Variants in MOXD1 observed in about 807,000 individuals in gnomAD.
The protein encoded by MOXD1 is DBH-like monooxygenase protein 1.
MOXD1 carries 62 observed loss-of-function variants against 66.6 expected under a neutral mutation model. The ratio of observed to expected loss-of-function variants is 0.93; its 90% confidence interval spans 0.76 to 1.15. MOXD1 has a LOEUF of 1.15. Among genes scored for constraint, MOXD1 ranks in the 50% most tolerant of loss-of-function variants. The probability of loss-of-function intolerance (pLI) is 0.00; values close to 1 mark genes in which losing one functional copy is unlikely to be tolerated. For missense variants in MOXD1, 847 were observed against 754.6 expected (o/e 1.12, Z -1.44); for synonymous variants, 303 against 281.9 (o/e 1.07, Z -0.75).
chr6:132,300,585 A>C (rs1774509935), intron 10 of MOXD1, among the ~76,000 whole-genome samples: 1 of 152,198 alleles, frequency 6.6e-6, no homozygotes, highest in South Asian at 2.1e-4. Flanking sequence ...CCCCGCTGTT[A>C]AGAGTGAATA....
rs183461910 is a variant in MOXD1 at position 132,297,471 on chromosome 6, T to C, written c.1678-154A>G. Reference sequence around the variant, plus strand: ...ACTGGGGGAGTCAGAAACCTAGGGTTAAGGAGGAAACAGAAAAGAGGGCCA... The same window carrying C: ...ACTGGGGGAGTCAGAAACCTAGGGTCAAGGAGGAAACAGAAAAGAGGGCCA... On this transcript the variant is annotated intron_variant, in intron 11 of 11. Coordinates refer to ENST00000367963, the MANE Select transcript of MOXD1 (RefSeq NM_015529.4). Among the ~76,000 whole-genome samples the C allele has an allele frequency of 1.1e-4, 16 of 152,190 alleles. No homozygotes were observed. The East Asian group carries it at 2.9e-3, about 28-fold the overall frequency.
chr6:132,335,943 G>C (rs1034404616), intron 4 of MOXD1, among the ~76,000 whole-genome samples: 4 of 152,094 alleles, frequency 2.6e-5, no homozygotes, highest in Non-Finnish European at 1.5e-5. Context: ...AATTTTGGGG[G>C]TAAAGCGGGA....
chr6:132,381,271 T>C (rs1303219533), intron 1 of MOXD1, among the ~76,000 whole-genome samples: 3 of 152,224 alleles, frequency 2.0e-5, no homozygotes, highest in African/African-American at 7.2e-5. Flanking sequence ...CTTTGTGGTA[T>C]AGAAATAGTT....
At chr6:132,343,161 A>G (rs964865867) in intron 4 of MOXD1, among the ~76,000 whole-genome samples, 7 of 152,250 alleles carry the variant, frequency 4.6e-5, no homozygotes, top group African/African-American at 1.7e-4. Flanking sequence ...TACCAAAATA[A>G]TGGAGAAATT....
At chr6:132,399,060 A>T (rs927051841) in intron 1 of MOXD1, among the ~76,000 whole-genome samples, 8 of 152,126 alleles carry the variant, frequency 5.3e-5, no homozygotes, top group Admixed American at 5.2e-4. Flanking sequence ...CTGAATTTCG[A>T]GCGTTGGAGA....
chr6:132,380,938 G>A (rs1016631289), intron 1 of MOXD1, among the ~76,000 whole-genome samples: 31 of 151,966 alleles, frequency 2.0e-4, no homozygotes, highest in South Asian at 2.1e-4. Flanking sequence ...TTAGGAGACC[G>A]ACATTAGTAT....
At chr6:132,299,189 C>T (rs1287413434) in intron 10 of MOXD1, among the ~76,000 whole-genome samples, 1 of 152,152 alleles carries the variant, frequency 6.6e-6, no homozygotes, top group East Asian at 1.9e-4. Context: ...AAACCAAAAA[C>T]CGCGTGTTCT....
chr6:132,306,118 A>G lies in MOXD1; in HGVS notation c.1509-8163T>C, dbSNP rs138898210. ...ATGCAAAGAAGCTAAGAACCTTCAT[A>G]AAAGGTTGAGGAACTGCTAACAAGA... On this transcript the variant is annotated intron_variant, in intron 10 of 11. Coordinates refer to ENST00000367963, the MANE Select transcript of MOXD1 (RefSeq NM_015529.4). 2.8e-4 allele frequency among the ~76,000 whole-genome samples: 42 copies of G among 152,264 alleles called. 1 individual carries two copies. The East Asian group carries it at 7.9e-3, about 29-fold the overall frequency.
At chr6:132,324,190 A>T in intron 6 of MOXD1, 93 bp from the exon 7 acceptor site, 1 of 1,299,500 alleles carries the variant, frequency 7.7e-7, no homozygotes, top group Non-Finnish European at 1.1e-6. Context: ...TAAAGTTTTC[A>T]TATTCTGTTG....
At chr6:132,309,776 G>A (rs2114544012) in intron 10 of MOXD1, among the ~76,000 whole-genome samples, 1 of 152,272 alleles carries the variant, frequency 6.6e-6, no homozygotes, top group Middle Eastern at 3.4e-3. Flanking sequence ...TAACTAAATG[G>A]TGCTGGGAAA....
chr6:132,377,737 C>T (rs1776423087), intron 1 of MOXD1, among the ~76,000 whole-genome samples: 1 of 152,198 alleles, frequency 6.6e-6, no homozygotes, highest in South Asian at 2.1e-4. Context: ...AAAAGAAGCT[C>T]ATATCTTCAA....
chr6:132,317,255 T>C (rs180921238), intron 9 of MOXD1, among the ~76,000 whole-genome samples: 1 of 152,302 alleles, frequency 6.6e-6, no homozygotes, highest in East Asian at 1.9e-4. Flanking sequence ...TAAATTAACC[T>C]AGGGGCTAAT....
At chr6:132,371,106 G>A (rs981131469) in intron 4 of MOXD1, among the ~76,000 whole-genome samples, 10 of 152,066 alleles carry the variant, frequency 6.6e-5, no homozygotes, top group African/African-American at 2.2e-4. Flanking sequence ...TGAAACATTT[G>A]TTTCTATTTC....
rs1358564877 is a variant in MOXD1 at position 132,315,791 on chromosome 6, G to GT, written c.1366-15dup. ...GCTTAGTCCTCCCTGAAAACAGATAGTTTATTTAGCAAAGTATGTGTTCTA... is the reference window on the plus strand; with the variant it reads ...GCTTAGTCCTCCCTGAAAACAGATAGTTTTATTTAGCAAAGTATGTGTTCTA... On this transcript the variant is annotated splice_polypyrimidine_tract_variant and intron_variant, in intron 9 of 11. Transcript: ENST00000367963. The GT allele has an allele frequency of 6.2e-7, 1 of 1,612,296 alleles. No individual in the cohort carries two copies. The highest frequency in any genetic ancestry group is 2.2e-5 in the East Asian group (1 of 44,754).
intron 4 of MOXD1, among the ~76,000 whole-genome samples, chr6:132,336,565 A>G (rs1274133775): frequency 6.6e-6 from 1 of 152,170 alleles, no homozygotes; most frequent in Non-Finnish European, 1.5e-5. Context: ...AGAATTAACA[A>G]GGAAATGGCA....
intron 4 of MOXD1, among the ~76,000 whole-genome samples, chr6:132,335,877 G>A (rs1194505763): frequency 1.3e-5 from 2 of 152,152 alleles, no homozygotes; most frequent in African/African-American, 2.4e-5. Context: ...CATGACTGAA[G>A]CTAAATAGGT....
At chr6:132,331,572 A>T (rs1429598737) in intron 4 of MOXD1, among the ~76,000 whole-genome samples, 1 of 152,210 alleles carries the variant, frequency 6.6e-6, no homozygotes, top group Non-Finnish European at 1.5e-5. Context: ...CTGGAATAAT[A>T]ATAACATCTG....
intron 1 of MOXD1, among the ~76,000 whole-genome samples, chr6:132,379,255 G>A (rs1363510406): frequency 6.6e-6 from 1 of 151,818 alleles, no homozygotes; most frequent in African/African-American, 2.4e-5. Context: ...GTCTAAAAAA[G>A]AAAAACCATA....
At chr6:132,312,807 T>TA (rs568849645) in intron 10 of MOXD1, among the ~76,000 whole-genome samples, 306 of 143,998 alleles carry the variant, frequency 2.1e-3, no homozygotes, top group African/African-American at 5.0e-3. Flanking sequence ...CATTTAAACT[T>TA]AAAAAAAAAA....
Sources: gnomAD v4.1 joint callset for allele counts (sites outside exome capture counted in the v4.1 genomes callset) on GRCh38, gnomAD v4.1.1 for gene constraint, MANE v1.5 for transcripts, NCBI Gene and HGNC (gene_info 2026-07-23, HGNC 2026-07-21) for gene names.